The following ADAMTS17 variants were observed in gnomAD, a reference collection of about 807,000 sequenced individuals.
ADAMTS17 encodes A disintegrin and metalloproteinase with thrombospondin motifs 17.
In ADAMTS17, 113 loss-of-function variants were observed where a neutral mutation model predicts 141.5. The ratio of observed to expected loss-of-function variants is 0.80; its 90% CI spans 0.69 to 0.93. The LOEUF (loss-of-function observed/expected upper bound fraction) is 0.93. Among genes scored for constraint, ADAMTS17 ranks in the 40% least tolerant of loss-of-function variants. ADAMTS17 has a pLI of 0.00. For synonymous variants in ADAMTS17, 768 were observed against 630.6 expected (o/e 1.22, Z -3.27); for missense variants, 1,659 against 1,517.9 (o/e 1.09, Z -1.54).
chr15:100,207,490 C>A (rs2041620662), intron 7 of ADAMTS17, among the ~76,000 whole-genome samples: 1 of 152,182 alleles, frequency 6.6e-6, no homozygotes, highest in African/African-American at 2.4e-5. Flanking sequence ...GCCACCGGAA[C>A]TCACCATGCT....
rs2060819638 is a variant in ADAMTS17, at chr15:99,997,219, GC to G, written c.2796+165del. ...GAGACATGGTATCTATGTTTCCGCA[GC>G]CAGGCTGTTATCTGAGATGGAAATT... On this transcript the variant is annotated intron_variant, in intron 19 of 21. Transcript: ENST00000268070. The surrounding 1 kb of genome is among the most constrained non-coding windows in gnomAD (Gnocchi z 4.7). Among the ~76,000 whole-genome samples, 1 of 152,348 alleles carries G rather than the reference GC, an allele frequency of 6.6e-6. No individual in the cohort carries two copies. Among genetic ancestry groups the G allele is most frequent in the South Asian group, 2.1e-4 (1 of 4,832 alleles).
At chr15:100,328,159 G>A (rs971185430) in intron 3 of ADAMTS17, among the ~76,000 whole-genome samples, 3 of 152,176 alleles carry the variant, frequency 2.0e-5, no homozygotes, top group African/African-American at 7.2e-5. Context: ...GGAAAGCTTG[G>A]ATTAATCTGA....
At chr15:100,281,187 A>C (rs1206071597) in intron 4 of ADAMTS17, 42 bp downstream of exon 4, 1 of 1,598,756 alleles carries the variant, frequency 6.3e-7, no homozygotes, top group East Asian at 2.2e-5. Context: ...CATCAAGGAG[A>C]AAACAGAGCC....
chr15:100,049,317 A>C (rs991034086), intron 17 of ADAMTS17, among the ~76,000 whole-genome samples: 2 of 152,184 alleles, frequency 1.3e-5, no homozygotes, highest in African/African-American at 2.4e-5. Flanking sequence ...TCATCTTTTT[A>C]TCTGCTTGTT....
At chr15:100,287,771 C>T (rs531177163) in intron 3 of ADAMTS17, among the ~76,000 whole-genome samples, 49 of 152,250 alleles carry the variant, frequency 3.2e-4, no homozygotes, top group African/African-American at 1.0e-3. Flanking sequence ...AAGCTTCATA[C>T]GTGAAAGAGA....
intron 12 of ADAMTS17, among the ~76,000 whole-genome samples, chr15:100,120,891 A>G (rs999372304): frequency 6.6e-6 from 1 of 152,254 alleles, no homozygotes; most frequent in Non-Finnish European, 1.5e-5. Flanking sequence ...CCCTGAGGAA[A>G]CCCAGATGTT....
At chr15:100,199,286 G>C in intron 8 of ADAMTS17, 32 bp downstream of exon 8, 1 of 1,590,108 alleles carries the variant, frequency 6.3e-7, no homozygotes, top group Middle Eastern at 1.7e-4. Flanking sequence ...AGGACTGAAA[G>C]AAAACAGGAC....
At chr15:100,017,692 T>G (rs1307134487) in intron 18 of ADAMTS17, among the ~76,000 whole-genome samples, 1 of 152,220 alleles carries the variant, frequency 6.6e-6, no homozygotes, top group African/African-American at 2.4e-5. Flanking sequence ...CTTCCACAGT[T>G]TGGGCACTCA....
chr15:100,055,677 AC>A (rs1231030729), intron 15 of ADAMTS17, among the ~76,000 whole-genome samples: 1 of 152,098 alleles, frequency 6.6e-6, no homozygotes, highest in Non-Finnish European at 1.5e-5. Flanking sequence ...CCAACCCACA[AC>A]TGAACTGTCC....
rs978244339 is a variant in ADAMTS17 at position 100,225,676 on chromosome 15, C to T, written c.1076-26253G>A. 2.7e-5 allele frequency among the ~76,000 whole-genome samples: 4 copies of T among 147,738 alleles called. No individual in the cohort carries two copies. The South Asian group carries it at 8.6e-4, about 32-fold the overall frequency. ...TCACGGTCTCTGTGCCCATTCAGTCCTTACAGCAGTCACGGTCTCTGTGCC... is the reference window on the plus strand; with the variant it reads ...TCACGGTCTCTGTGCCCATTCAGTCTTTACAGCAGTCACGGTCTCTGTGCC... On this transcript the variant is annotated intron_variant, in intron 7 of 21. Transcript: ENST00000268070.
At chr15:100,050,471 T>C (rs2032055112) in intron 17 of ADAMTS17, among the ~76,000 whole-genome samples, 1 of 152,022 alleles carries the variant, frequency 6.6e-6, no homozygotes, top group Non-Finnish European at 1.5e-5. Flanking sequence ...GGGCTGATGG[T>C]GGTATCCGGA....
intron 13 of ADAMTS17, among the ~76,000 whole-genome samples, chr15:100,115,073 T>A (rs945609733): frequency 6.6e-6 from 1 of 152,088 alleles, no homozygotes; most frequent in Non-Finnish European, 1.5e-5. Context: ...TCCTGCAAAG[T>A]GGGAGTGGGC....
chr15:99,995,800 T>A (rs1472156348), intron 19 of ADAMTS17, among the ~76,000 whole-genome samples: 1 of 152,210 alleles, frequency 6.6e-6, no homozygotes, highest in Non-Finnish European at 1.5e-5. Context: ...ATGATTTGAT[T>A]CCAGGTTAAA....
chr15:100,160,297 T>A (rs990771124), intron 8 of ADAMTS17, among the ~76,000 whole-genome samples: 1 of 152,210 alleles, frequency 6.6e-6, no homozygotes, highest in Non-Finnish European at 1.5e-5. Flanking sequence ...GATCAACACA[T>A]GAATTAAGTA....
intron 18 of ADAMTS17, among the ~76,000 whole-genome samples, chr15:100,043,017 T>C (rs1296229068): frequency 2.0e-5 from 3 of 152,254 alleles, no homozygotes; most frequent in Non-Finnish European, 4.4e-5. Flanking sequence ...CGCACGGATC[T>C]ATCTTGTTAG....
chr15:100,199,243 T>TA (rs1323751300), intron 8 of ADAMTS17, 75 bp downstream of exon 8: 62 of 1,351,072 alleles, frequency 4.6e-5, no homozygotes, highest in Non-Finnish European at 6.4e-5. Flanking sequence ...TTTTAGAACT[T>TA]ACAGAATTCA....
At chr15:100,163,568 C>G (rs550069475) in intron 8 of ADAMTS17, among the ~76,000 whole-genome samples, 1 of 152,298 alleles carries the variant, frequency 6.6e-6, no homozygotes, top group Non-Finnish European at 1.5e-5. Flanking sequence ...TCACTGCAGC[C>G]TCAAACTCCT....
chr15:100,269,672 C>T (rs1254316587), intron 4 of ADAMTS17, among the ~76,000 whole-genome samples: 5 of 152,138 alleles, frequency 3.3e-5, no homozygotes, highest in Admixed American at 2.6e-4. Flanking sequence ...AGTAGACAGT[C>T]AGGAGATGTT....
intron 20 of ADAMTS17, 31 bp from the exon 21 acceptor site, chr15:99,976,253 G>A (rs1482637013): frequency 2.6e-6 from 4 of 1,538,384 alleles, no homozygotes; most frequent in Non-Finnish European, 3.5e-6. Context: ...GAGTGGGGCT[G>A]ACATGAGGTC....
Sources: allele counts gnomAD v4.1 joint callset (sites outside exome capture counted in the v4.1 genomes callset), GRCh38; gene constraint gnomAD v4.1.1; non-coding constraint Gnocchi (gnomAD v3.1); transcripts MANE v1.5; gene names NCBI Gene and HGNC (gene_info 2026-07-23, HGNC 2026-07-21).